ZNF782: variants seen among roughly 807,000 people sequenced by gnomAD.
ZNF782 encodes the protein zinc finger protein 782.
ZNF782 carries 12 observed loss-of-function variants against 13.0 expected under a neutral mutation model. The observed-to-expected ratio is 0.92, with a 90% CI of 0.59 to 1.50. The LOEUF is 1.50. ZNF782 is among the 40% of genes most tolerant of loss of function. The pLI is 0.00. For missense variants in ZNF782, 770 were observed against 822.9 expected, an observed-to-expected ratio of 0.94 and a Z score of 0.79; for synonymous variants, 284 against 283.0, an observed-to-expected ratio of 1.00 and a Z score of -0.04.
chr9:96,868,866 C>T (rs532356016), intron 1 of ZNF782, among the ~76,000 whole-genome samples: 29 of 152,174 alleles, frequency 1.9e-4, no homozygotes, highest in African/African-American at 6.7e-4. Flanking sequence ...TAACATTGTC[C>T]TGTGTTGGTT....
chr9:96,880,267 T>C (rs1197037950), upstream of ZNF782, among the ~76,000 whole-genome samples: 1 of 152,156 alleles, frequency 6.6e-6, no homozygotes, highest in African/African-American at 2.4e-5. Context: ...CCAATTTGTA[T>C]AGCTTTTCTT....
chr9:96,926,750 T>A, the ZNF782 span, among the ~76,000 whole-genome samples: 1 of 152,166 alleles, frequency 6.6e-6, no homozygotes, highest in Non-Finnish European at 1.5e-5. Context: ...TGCCTGCCCC[T>A]GCAGTGTGGC....
At chr9:96,924,890 C>T in the ZNF782 span, among the ~76,000 whole-genome samples, 1 of 152,246 alleles carries the variant, frequency 6.6e-6, no homozygotes, top group South Asian at 2.1e-4. Flanking sequence ...CTGGGCGTCC[C>T]GCAGGGCCCC....
the ZNF782 span, among the ~76,000 whole-genome samples, chr9:96,882,633 T>C: frequency 1.3e-5 from 2 of 152,216 alleles, no homozygotes; most frequent in Admixed American, 6.5e-5. Context: ...AAGCCTCTAA[T>C]TGAAAATATT....
At chr9:96,875,598 C>A in exon 1 of ZNF782, 1 of 456,658 alleles carries the variant, frequency 2.2e-6, no homozygotes, top group Non-Finnish European at 4.4e-6. Context: ...CCGCCGCGGG[C>A]ATGCGCTTTC....
upstream of ZNF782, among the ~76,000 whole-genome samples, chr9:96,876,971 A>AAAAAAAAAAG (rs1851900809): frequency 7.8e-6 from 1 of 128,034 alleles, no homozygotes; most frequent in Admixed American, 7.3e-5. Flanking sequence ...AAAAAAAAAA[A>AAAAAAAAAAG]AAGAAGAAGA....
the ZNF782 span, among the ~76,000 whole-genome samples, chr9:96,923,735 ATTC>A: frequency 7.5e-6 from 1 of 132,794 alleles, no homozygotes; most frequent in Admixed American, 7.7e-5. Context: ...TCGAACCCCA[ATTC>A]TTCTTGTATA....
At chr9:96,927,263 T>G in the ZNF782 span, among the ~76,000 whole-genome samples, 1 of 152,214 alleles carries the variant, frequency 6.6e-6, no homozygotes, top group Non-Finnish European at 1.5e-5. Context: ...CATTGGTGGT[T>G]AGCATCCTTG....
At chr9:96,931,807 T>C in the ZNF782 span, 4 of 1,611,644 alleles carry the variant, frequency 2.5e-6, no homozygotes, top group Non-Finnish European at 3.4e-6. Flanking sequence ...CCACACCCTC[T>C]CCCGGCCCAA....
upstream of ZNF782, among the ~76,000 whole-genome samples, chr9:96,856,700 A>G (rs1225763777): frequency 2.6e-5 from 4 of 152,084 alleles, no homozygotes; most frequent in South Asian, 6.2e-4. Context: ...TGTAGGACAG[A>G]TGATTGATAG....
chr9:96,925,515 G>T, the ZNF782 span, among the ~76,000 whole-genome samples: 17 of 151,354 alleles, frequency 1.1e-4, no homozygotes, highest in Admixed American at 2.6e-4. Flanking sequence ...GCGCGCACTT[G>T]TAGTCCCAGT....
upstream of ZNF782, among the ~76,000 whole-genome samples, chr9:96,858,330 C>T (rs1851668126): frequency 6.6e-6 from 1 of 152,162 alleles, no homozygotes; most frequent in East Asian, 1.9e-4. The surrounding 1 kb of genome is among the most constrained non-coding windows in gnomAD (Gnocchi z 4.4). Context: ...CATTGCTGGA[C>T]ATCACCCAAT....
chr9:96,875,934 C>G (rs189031359), upstream of ZNF782, among the ~76,000 whole-genome samples: 1 of 152,210 alleles, frequency 6.6e-6, no homozygotes, highest in African/African-American at 2.4e-5. Flanking sequence ...GAGTGTGGCG[C>G]GCGAGCCATT....
At chr9:96,909,246 T>C in the ZNF782 span, among the ~76,000 whole-genome samples, 1 of 151,402 alleles carries the variant, frequency 6.6e-6, no homozygotes, top group Non-Finnish European at 1.5e-5. Flanking sequence ...GTTTTCATAC[T>C]GACCTTGTTC....
intron 4 of ZNF782, among the ~76,000 whole-genome samples, chr9:96,843,997 G>A (rs147716423): frequency 1.5e-3 from 230 of 152,096 alleles, no homozygotes; most frequent in African/African-American, 5.3e-3. Context: ...TTTATGAATC[G>A]CTAAAAAGCA....
the ZNF782 span, among the ~76,000 whole-genome samples, chr9:96,906,030 A>G: frequency 2.0e-5 from 3 of 152,258 alleles, no homozygotes; most frequent in Non-Finnish European, 2.9e-5. Flanking sequence ...GGAGAAACTG[A>G]AACTCTTGAG....
chr9:96,880,440 G>A (rs1851948467), upstream of ZNF782, among the ~76,000 whole-genome samples: 1 of 152,064 alleles, frequency 6.6e-6, no homozygotes, highest in Non-Finnish European at 1.5e-5. Context: ...TCGTTTTTTA[G>A]GTTGAGAAAG....
upstream of ZNF782, among the ~76,000 whole-genome samples, chr9:96,856,941 G>A (rs1343928058): frequency 6.6e-6 from 1 of 152,170 alleles, no homozygotes. Context: ...TGACTATGGG[G>A]AATGTTTTAC....
chr9:96,867,911 A>G (rs943971998), intron 1 of ZNF782, among the ~76,000 whole-genome samples: 1 of 152,238 alleles, frequency 6.6e-6, no homozygotes, highest in East Asian at 1.9e-4. Context: ...TTTGTTTCAA[A>G]GCAGAATTTA....
Sources: allele counts gnomAD v4.1 joint callset (sites outside exome capture counted in the v4.1 genomes callset), GRCh38; gene constraint gnomAD v4.1.1; non-coding constraint Gnocchi (gnomAD v3.1); transcripts MANE v1.5; gene names NCBI Gene and HGNC (gene_info 2026-07-23, HGNC 2026-07-21).